The following PLB1 variants were observed in gnomAD, a reference collection of about 807,000 sequenced individuals.
PLB1 encodes phospholipase B1, membrane-associated.
In PLB1, 242 loss-of-function variants were observed where a neutral mutation model predicts 227.4. That is an observed-to-expected ratio of 1.06 (90% CI 0.96 to 1.18). PLB1 has a LOEUF of 1.18. Among genes scored for constraint, PLB1 ranks in the 50% most tolerant of loss-of-function variants. PLB1 has a pLI of 0.00. For synonymous variants in PLB1, 757 were observed against 682.2 expected (o/e 1.11, Z -1.71); for missense variants, 1,858 against 1,816.3 (o/e 1.02, Z -0.42).
intron 29 of PLB1, 72 bp downstream of exon 29, chr2:28,590,148 C>T: frequency 7.6e-7 from 1 of 1,308,876 alleles, no homozygotes; most frequent in Non-Finnish European, 1.1e-6. Context: ...CCTAGGCCCT[C>T]ACCCTCACCC....
chr2:28,640,622 A>G (rs1448470633), intron 56 of PLB1, among the ~76,000 whole-genome samples: 1 of 152,200 alleles, frequency 6.6e-6, no homozygotes, highest in East Asian at 1.9e-4. Flanking sequence ...GCCCCTCCGC[A>G]GACTTCCTGT....
intron 55 of PLB1, 93 bp downstream of exon 55, chr2:28,632,233 T>C (rs968878226): frequency 9.6e-7 from 1 of 1,043,420 alleles, no homozygotes; most frequent in South Asian, 1.5e-5. Context: ...TTTTTTTTTT[T>C]TAACCATCTC....
intron 25 of PLB1, among the ~76,000 whole-genome samples, chr2:28,583,022 A>T (rs2148272480): frequency 6.6e-6 from 1 of 152,170 alleles, no homozygotes; most frequent in Non-Finnish European, 1.5e-5. Context: ...GGTCCAGAGG[A>T]CAGAGTCCTC....
At chr2:28,603,070 C>T (rs934977590) in intron 39 of PLB1, 149 bp downstream of exon 39, 87 of 686,414 alleles carry the variant, frequency 1.3e-4, no homozygotes, top group Non-Finnish European at 2.0e-4. Flanking sequence ...ACGTCCCCTT[C>T]CAGAGGCTGG....
chr2:28,576,839 A>G (rs1679040039), intron 21 of PLB1, among the ~76,000 whole-genome samples: 1 of 152,212 alleles, frequency 6.6e-6, no homozygotes, highest in South Asian at 2.1e-4. Context: ...CAAGCCTCAA[A>G]AAGGTTAAGT....
chr2:28,598,252 C>G (rs554598186), intron 34 of PLB1, among the ~76,000 whole-genome samples: 103 of 152,276 alleles, frequency 6.8e-4, no homozygotes, highest in African/African-American at 2.4e-3. Context: ...AGTTCAATCC[C>G]TGGTGCTTCA....
chr2:28,636,290 C>T (rs1689352426), intron 56 of PLB1, among the ~76,000 whole-genome samples: 1 of 152,192 alleles, frequency 6.6e-6, no homozygotes, highest in African/African-American at 2.4e-5. Flanking sequence ...TCTTTAACTC[C>T]TGACCTCAGG....
chr2:28,573,341 G>GTCC (rs747040615), intron 21 of PLB1, 36 bp downstream of exon 21: 1 of 1,496,146 alleles, frequency 6.7e-7, no homozygotes, highest in South Asian at 1.1e-5. Flanking sequence ...AACAGCACAG[G>GTCC]TCCTCTGAGG....
intron 3 of PLB1, 74 bp from the exon 4 acceptor site, chr2:28,519,631 C>G: frequency 1.7e-6 from 2 of 1,147,242 alleles, no homozygotes; most frequent in East Asian, 5.0e-5. Flanking sequence ...AGTCTCCTCT[C>G]CCATACGGTA....
At chr2:28,557,753 A>G (rs999343010) in intron 17 of PLB1, among the ~76,000 whole-genome samples, 3 of 152,242 alleles carry the variant, frequency 2.0e-5, no homozygotes, top group Admixed American at 2.0e-4. Flanking sequence ...ATCAGCCCAC[A>G]CAAATTTAAT....
At chr2:28,621,302 G>A (rs1687023917) in intron 49 of PLB1, among the ~76,000 whole-genome samples, 1 of 152,142 alleles carries the variant, frequency 6.6e-6, no homozygotes, top group Non-Finnish European at 1.5e-5. Flanking sequence ...CATCTGCCCT[G>A]GACCCGGGCG....
At chr2:28,537,607 C>T (rs1397045827) in intron 9 of PLB1, among the ~76,000 whole-genome samples, 5 of 141,938 alleles carry the variant, frequency 3.5e-5, no homozygotes, top group South Asian at 2.2e-4. Flanking sequence ...TGCACTGAGC[C>T]GAGATCACAC....
At chr2:28,636,338 A>G (rs1009938697) in intron 56 of PLB1, among the ~76,000 whole-genome samples, 1 of 152,206 alleles carries the variant, frequency 6.6e-6, no homozygotes, top group Non-Finnish European at 1.5e-5. Flanking sequence ...TGCTGGGATT[A>G]TAGGTGTGAG....
At chr2:28,537,162 C>T (rs924476870) in intron 9 of PLB1, among the ~76,000 whole-genome samples, 3 of 152,126 alleles carry the variant, frequency 2.0e-5, no homozygotes, top group Admixed American at 6.5e-5. Flanking sequence ...CAGGGACAGC[C>T]GGTGAAGGGG....
intron 46 of PLB1, among the ~76,000 whole-genome samples, chr2:28,619,959 T>G (rs1037334153): frequency 1.3e-5 from 2 of 151,920 alleles, no homozygotes; most frequent in Non-Finnish European, 1.5e-5. Context: ...GAGGCCAGCG[T>G]ATTGCCCGTG....
chr2:28,525,606 C>T (rs1670135202), intron 5 of PLB1, among the ~76,000 whole-genome samples: 1 of 152,116 alleles, frequency 6.6e-6, no homozygotes, highest in Admixed American at 6.6e-5. Flanking sequence ...CTTGGGGAAC[C>T]ATGCAGGGCT....
intron 46 of PLB1, among the ~76,000 whole-genome samples, chr2:28,619,216 G>T (rs1395358479): frequency 6.6e-6 from 1 of 152,060 alleles, no homozygotes; most frequent in East Asian, 1.9e-4. Context: ...TGTCTGATAG[G>T]CCCCCGTGTG....
intron 56 of PLB1, among the ~76,000 whole-genome samples, chr2:28,637,809 C>A (rs1237921961): frequency 6.6e-6 from 1 of 152,204 alleles, no homozygotes; most frequent in Non-Finnish European, 1.5e-5. Context: ...GTGCCACCTC[C>A]TGCAGGAAGC....
intron 56 of PLB1, among the ~76,000 whole-genome samples, chr2:28,635,681 G>A (rs779688260): frequency 1.9e-4 from 28 of 150,632 alleles, no homozygotes; most frequent in Non-Finnish European, 3.6e-4. Context: ...CTCCTCTCAC[G>A]TCCTTCTCGA....
Sources: allele counts gnomAD v4.1 joint callset (sites outside exome capture counted in the v4.1 genomes callset), GRCh38; gene constraint gnomAD v4.1.1; transcripts MANE v1.5; gene names NCBI Gene and HGNC (gene_info 2026-07-23, HGNC 2026-07-21).